Variants in FBXW7 observed in about 807,000 individuals in gnomAD.
The protein encoded by FBXW7 is F-box and WD repeat domain containing 7, also known as F-box/WD repeat-containing protein 7.
A neutral mutation model predicts 86.3 loss-of-function variants in FBXW7; 11 were observed. That is an observed-to-expected ratio of 0.13 (90% CI 0.08 to 0.21). FBXW7 has a LOEUF of 0.21. FBXW7 is among the 10% of genes least tolerant of loss of function. The pLI is 1.00. For missense variants in FBXW7, 488 were observed against 847.4 expected (o/e 0.58, Z 5.27); for synonymous variants, 313 against 297.9 (o/e 1.05, Z -0.52).
At chr4:152,358,511 TA>T (rs75134488) in intron 4 of FBXW7, among the ~76,000 whole-genome samples, 736 of 120,676 alleles carry the variant, frequency 6.1e-3, no homozygotes, top group Middle Eastern at 0.013. Context: ...AGCTAAAGAC[TA>T]AAAAAAAAAA....
At position 152,347,075 on chromosome 4, in the gene FBXW7, C is replaced by CAAAAA; in HGVS notation, c.585-9_585-5dup. The CAAAAA allele has an allele frequency of 1.5e-5, 19 of 1,277,164 alleles. No homozygotes were observed. Among genetic ancestry groups the CAAAAA allele is most frequent in the Admixed American group, 6.5e-5 (2 of 30,784 alleles). 79.1% of individuals were successfully genotyped at this position (1,277,164 alleles called of 1,614,324 possible). The stretch of plus-strand genomic sequence containing the variant: ...ACATGGTACAAGCCCAGTGGTACTA[C>CAAAAA]AAAAAAAAAAAAAAGAGAGAGAGAA... On this transcript the variant is annotated splice_polypyrimidine_tract_variant and splice_region_variant and intron_variant, in intron 5 of 13. Coordinates refer to ENST00000281708, the MANE Select transcript of FBXW7 (RefSeq NM_001349798.2).
chr4:152,509,763 G>A (rs147956404), intron 2 of FBXW7, among the ~76,000 whole-genome samples: 17 of 152,264 alleles, frequency 1.1e-4, no homozygotes, highest in Admixed American at 2.0e-4. Context: ...CTCACAATGA[G>A]GGAGAGGAAC....
At chr4:152,367,440 CA>C (rs1207176859) in intron 4 of FBXW7, among the ~76,000 whole-genome samples, 1 of 152,036 alleles carries the variant, frequency 6.6e-6, no homozygotes, top group African/African-American at 2.4e-5. Context: ...TTTTCATCAG[CA>C]TCTCCCATTG....
chr4:152,434,279 C>T (rs983008214), intron 2 of FBXW7, among the ~76,000 whole-genome samples: 1 of 152,130 alleles, frequency 6.6e-6, no homozygotes, highest in African/African-American at 2.4e-5. Flanking sequence ...TGAGTATATC[C>T]TTGCATTTTA....
chr4:152,326,283 G>A (rs2126499116), intron 11 of FBXW7, 52 bp from the exon 12 acceptor site: 12 of 1,226,542 alleles, frequency 9.8e-6, no homozygotes, highest in Middle Eastern at 2.1e-4. Flanking sequence ...CCCACGTTTA[G>A]AATTTTTAAT....
At chr4:152,374,268 T>G (rs1200334684) in intron 4 of FBXW7, among the ~76,000 whole-genome samples, 1 of 152,028 alleles carries the variant, frequency 6.6e-6, no homozygotes, top group Non-Finnish European at 1.5e-5. Flanking sequence ...ACTGTATTTT[T>G]TTTCTCTATT....
intron 7 of FBXW7, among the ~76,000 whole-genome samples, chr4:152,334,403 T>C (rs1333625428): frequency 3.3e-5 from 5 of 152,180 alleles, no homozygotes; most frequent in South Asian, 2.1e-4. Context: ...ATAGCAGTAA[T>C]GTGGTGTTAC....
At chr4:152,373,145 G>A (rs1734153175) in intron 4 of FBXW7, among the ~76,000 whole-genome samples, 1 of 152,010 alleles carries the variant, frequency 6.6e-6, no homozygotes, top group Admixed American at 6.6e-5. Context: ...GAATAAGACT[G>A]CTTGAGTTAG....
At position 152,328,253 on chromosome 4, in the gene FBXW7, T is replaced by C; in HGVS notation, c.1373A>G (p.Tyr458Cys). 1.2e-6 allele frequency: 2 copies of C among 1,600,814 alleles called. No homozygotes were observed. The highest frequency in any genetic ancestry group is 1.7e-6 in the Non-Finnish European group (2 of 1,174,630). ...ACAACGCACAGTGGAAGTATGCCCA[T>C]ATAAGGTGTGTATACATTCTCCAGT... ...AETGECIHTL[Y>C]GHTSTVRCMH... The change falls in exon 11 of 14, where the codon TAT becomes TGT. Residue 458 changes from tyrosine to cysteine, a missense_variant. Tyr to Cys is a radical substitution (Grantham distance 194, BLOSUM62 -2). Around this residue, in one of 4 missense-constraint regions of FBXW7, gnomAD observed 142 missense variants for 406.6 expected, o/e 0.35. Coordinates refer to ENST00000281708, the MANE Select transcript of FBXW7 (RefSeq NM_001349798.2).
chr4:152,528,518 A>T (rs1391354503), intron 2 of FBXW7, among the ~76,000 whole-genome samples: 1 of 152,236 alleles, frequency 6.6e-6, no homozygotes, highest in Non-Finnish European at 1.5e-5. Flanking sequence ...AGAACACCTC[A>T]GAAAAATTTA....
intron 4 of FBXW7, among the ~76,000 whole-genome samples, chr4:152,376,400 T>C: frequency 6.6e-6 from 1 of 152,080 alleles, no homozygotes; most frequent in Non-Finnish European, 1.5e-5. Flanking sequence ...GAGATGTTAT[T>C]TTCTGAAACA....
rs1292717615 is a variant in FBXW7 at position 152,535,532 on chromosome 4, T to G, written c.-618A>C. 20 of 389,160 alleles carry G rather than the reference T, an allele frequency of 5.1e-5. No homozygotes were observed. The highest frequency in any genetic ancestry group is 4.2e-4 in the African/African-American group (20 of 47,782). 24.1% of individuals were successfully genotyped at this position (389,160 alleles called of 1,614,324 possible). A position where few individuals can be genotyped will look rare whatever the true frequency, so the allele number is the denominator to read the frequency against. On this transcript the variant is annotated 5_prime_UTR_variant, in exon 1 of 14. Transcript: ENST00000281708. Reference sequence around the variant, plus strand: ...TTGCCGAGCTTGGTTGGGGCCCCGGTTCATACACTCCGGGGCAAGATGCTA... The same window carrying G: ...TTGCCGAGCTTGGTTGGGGCCCCGGGTCATACACTCCGGGGCAAGATGCTA...
chr4:152,460,602 C>T (rs1362701983), intron 2 of FBXW7, among the ~76,000 whole-genome samples: 1 of 152,172 alleles, frequency 6.6e-6, no homozygotes, highest in African/African-American at 2.4e-5. Context: ...TATTTGATAG[C>T]TTTTTGCCTT....
intron 2 of FBXW7, among the ~76,000 whole-genome samples, chr4:152,470,094 T>A (rs1036874722): frequency 6.6e-6 from 1 of 151,956 alleles, no homozygotes; most frequent in African/African-American, 2.4e-5. Context: ...GACGGTAATT[T>A]GTTTCAGTAA....
chr4:152,389,420 A>ATAC (rs965739463), intron 4 of FBXW7, among the ~76,000 whole-genome samples: 28 of 152,252 alleles, frequency 1.8e-4, no homozygotes, highest in African/African-American at 6.7e-4. Flanking sequence ...CACAAATGGA[A>ATAC]TACTATTCAG....
chr4:152,419,916 T>A (rs1044334940), intron 2 of FBXW7, among the ~76,000 whole-genome samples: 6 of 151,808 alleles, frequency 4.0e-5, no homozygotes, highest in Admixed American at 3.9e-4. Flanking sequence ...CGGTGGGGGG[T>A]CTTATCTTGA....
intron 2 of FBXW7, among the ~76,000 whole-genome samples, chr4:152,497,606 T>C (rs1746488973): frequency 2.0e-5 from 3 of 152,088 alleles, no homozygotes; most frequent in African/African-American, 7.2e-5. Context: ...TTCTCATCTT[T>C]CAAATAGGCA....
At chr4:152,378,652 A>G (rs1734777481) in intron 4 of FBXW7, among the ~76,000 whole-genome samples, 1 of 152,228 alleles carries the variant, frequency 6.6e-6, no homozygotes, top group East Asian at 1.9e-4. Flanking sequence ...GCTCCAAACA[A>G]AAACAAAATG....
chr4:152,426,419 G>A (rs1483530255), intron 2 of FBXW7, among the ~76,000 whole-genome samples: 3 of 149,794 alleles, frequency 2.0e-5, no homozygotes, highest in Admixed American at 6.7e-5. Context: ...GCACAATCTC[G>A]ACTCACTGTA....
Sources: gnomAD v4.1 joint callset for allele counts (sites outside exome capture counted in the v4.1 genomes callset) on GRCh38, gnomAD v4.1.1 for gene constraint, gnomAD v4.1.1 regional missense constraint, MANE v1.5 for transcripts, NCBI Gene and HGNC (gene_info 2026-07-23, HGNC 2026-07-21) for gene names.